TMC7: variants seen among roughly 807,000 people sequenced by gnomAD.
TMC7 encodes the protein transmembrane channel-like protein 7.
A neutral mutation model predicts 82.9 loss-of-function variants in TMC7; 54 were observed. That is an observed-to-expected ratio of 0.65 (90% CI 0.52 to 0.82). The LOEUF (loss-of-function observed/expected upper bound fraction) is 0.82. Ranked by LOEUF, TMC7 falls within the 40% of genes least tolerant of loss-of-function variation. The pLI is 0.00. For synonymous variants in TMC7, 350 were observed against 337.9 expected (o/e 1.04, Z -0.39); for missense variants, 820 against 901.2 (o/e 0.91, Z 1.15).
rs1318981619 is a variant in TMC7 at position 19,045,329 on chromosome 16, CTT to C, written c.1456-10_1456-9del. 5 of 1,610,142 alleles carry C rather than the reference CTT, an allele frequency of 3.1e-6. No individual in the cohort carries two copies. Among genetic ancestry groups the C allele is most frequent in the Non-Finnish European group, 4.3e-6 (5 of 1,176,396 alleles). The stretch of plus-strand genomic sequence containing the variant: ...AGGGTCTTTCAGTTTCCCTCACTCT[CTT>C]TGATTTCAGTGCTGGGAGACCCAAG... On this transcript the variant is annotated splice_polypyrimidine_tract_variant and intron_variant, in intron 10 of 15. Transcript: ENST00000304381.
intron 12 of TMC7, among the ~76,000 whole-genome samples, chr16:19,049,302 G>A (rs985773904): frequency 2.0e-5 from 3 of 152,192 alleles, no homozygotes; most frequent in African/African-American, 7.2e-5. Context: ...GGGATTACAG[G>A]TGTGAGCCAC....
At chr16:19,042,554 CT>C (rs1961063134) in intron 9 of TMC7, among the ~76,000 whole-genome samples, 1 of 149,514 alleles carries the variant, frequency 6.7e-6, no homozygotes, top group Non-Finnish European at 1.5e-5. Context: ...GTCGCCCAGG[CT>C]GGAATGCAGT....
At position 19,021,692 on chromosome 16, in the gene TMC7, T is replaced by C; in HGVS notation, c.524T>C (p.Leu175Ser). ...TTGAGATTCCTGGTGTTGCTGAATT[T>C]GGTGATATTTCTGATCATCTTTATG... is the stretch of plus-strand genomic sequence containing the variant. ...SFLRFLVLLN[L>S]VIFLIIFMLV... Residue 175 changes from leucine to serine, a missense_variant, in exon 4 of 16, where the codon TTG (leucine) becomes TCG (serine). Leu to Ser is a moderately radical substitution (Grantham distance 145, BLOSUM62 -2). Coordinates refer to ENST00000304381, the MANE Select transcript of TMC7 (RefSeq NM_024847.4). 6.2e-7 allele frequency: 1 copy of C among 1,614,188 alleles called. No individual in the cohort carries two copies. The highest frequency in any genetic ancestry group is 8.5e-7 in the Non-Finnish European group (1 of 1,180,032).
chr16:19,038,047 G>C lies in TMC7; in HGVS notation c.1179G>C (p.Lys393Asn). 1.2e-6 allele frequency: 2 copies of C among 1,612,758 alleles called. No individual in the cohort carries two copies. Among genetic ancestry groups the C allele is most frequent in the Non-Finnish European group, 1.7e-6 (2 of 1,179,552 alleles). ...TCTTCTCGCAAGAGCACATGAAAAA[G>C]GTAAATTAACTTGTACTCTGGCTGG... is the stretch of plus-strand genomic sequence containing the variant. ...ATVFSQEHMK[K>N]EIDKMVFGEN... Residue 393 changes from lysine to asparagine, a missense_variant and splice_region_variant, in exon 8 of 16, where the codon AAG becomes AAC. Physicochemically the swap from Lys to Asn is moderately conservative, Grantham distance 94. This residue lies in a region of TMC7 where 650 missense variants were observed against 669.9 expected (regional missense o/e 0.97). Transcript: ENST00000304381.
rs959884942 is a variant in TMC7, at chr16:19,062,838, C to G, written c.*995C>G. 2 of 152,424 alleles carry G rather than the reference C, an allele frequency of 1.3e-5. No individual in the cohort carries two copies. Among genetic ancestry groups the G allele is most frequent in the African/African-American group, 2.4e-5 (1 of 41,386 alleles). The allele number at this position is 152,424 out of a possible 1,614,324, so 9.4% of individuals were successfully genotyped here. A position where few individuals can be genotyped will look rare whatever the true frequency, so the allele number is the denominator to read the frequency against. On this transcript the variant is annotated 3_prime_UTR_variant, in exon 16 of 16. Transcript: ENST00000304381. Reference sequence around the variant, plus strand: ...GTAGTTTTGTAATGGACTTTTCAAGCCTTCCTTCCATTGTTTTTCTTCCGT... The same window carrying G: ...GTAGTTTTGTAATGGACTTTTCAAGGCTTCCTTCCATTGTTTTTCTTCCGT...
At chr16:18,999,548 G>A (rs2142142854) in intron 1 of TMC7, among the ~76,000 whole-genome samples, 1 of 152,332 alleles carries the variant, frequency 6.6e-6, no homozygotes, top group African/African-American at 2.4e-5. Context: ...TGGTCTTCAA[G>A]GCTATGTTGT....
intron 5 of TMC7, among the ~76,000 whole-genome samples, chr16:19,027,087 T>TTTTA (rs71143821): frequency 8.6e-5 from 12 of 139,676 alleles, no homozygotes; most frequent in East Asian, 2.1e-4. Context: ...TTTTTTTTTT[T>TTTTA]AAAGACAGAG....
At position 19,045,010 on chromosome 16, in the gene TMC7, C is replaced by T. The variant is rs750034008; in HGVS notation, c.1455+9C>T. Reference sequence around the variant, plus strand: ...ACCAGAAACTCTACCCGGTGAGTTGCGGGGCGGGGGCGTTCGGCTGGGTGG... The same window carrying T: ...ACCAGAAACTCTACCCGGTGAGTTGTGGGGCGGGGGCGTTCGGCTGGGTGG... On this transcript the variant is annotated intron_variant, in intron 10 of 15. Transcript: ENST00000304381. The T allele has an allele frequency of 3.4e-5, 54 of 1,598,878 alleles. 2 individuals carry two copies. Among genetic ancestry groups the T allele is most frequent in the South Asian group, 2.9e-4 (26 of 90,778 alleles).
intron 3 of TMC7, among the ~76,000 whole-genome samples, chr16:19,017,676 T>G (rs534026202): frequency 3.1e-3 from 450 of 146,590 alleles, no homozygotes; most frequent in African/African-American, 0.011. Context: ...AGTTTTTTTT[T>G]TTTTTTTTTT....
Position 19,056,664 on chromosome 16 carries a change from A to T in TMC7, c.1994A>T (p.Glu665Val). 6.2e-7 allele frequency: 1 copy of T among 1,614,030 alleles called. No homozygotes were observed. Among genetic ancestry groups the T allele is most frequent in the Non-Finnish European group, 8.5e-7 (1 of 1,179,992 alleles). ...LQSFIHGVTS[E>V]AFAVPFFMII... ...TCCTTCATCCATGGTGTCACATCCG[A>T]AGCCTTTGCAGTTCCTTTCTTCATG... Residue 665 changes from glutamate to valine, a missense_variant, in exon 14 of 16, where the codon GAA becomes GTA. Physicochemically the swap from Glu to Val is moderately radical, Grantham distance 121. Around this residue, in one of 2 missense-constraint regions of TMC7, gnomAD observed 170 missense variants for 231.3 expected, o/e 0.74. Transcript: ENST00000304381.
At chr16:19,031,322 A>G (rs1960506122) in intron 6 of TMC7, among the ~76,000 whole-genome samples, 1 of 152,174 alleles carries the variant, frequency 6.6e-6, no homozygotes, top group Non-Finnish European at 1.5e-5. Context: ...TGGTGGTTCA[A>G]GTGCCCAGCA....
rs563532586 is a variant in TMC7, at chr16:19,055,124, G to A, written c.1872-1418G>A. The stretch of plus-strand genomic sequence containing the variant: ...TGATGAAGAACCTTTGGATATGGGG[G>A]GCCAACTGGATTTGTTTTCTCTATG... On this transcript the variant is annotated intron_variant, in intron 13 of 15. Coordinates refer to ENST00000304381, the MANE Select transcript of TMC7 (RefSeq NM_024847.4). Among the ~76,000 whole-genome samples, 3 of 151,980 alleles carry A rather than the reference G, an allele frequency of 2.0e-5. No individual in the cohort carries two copies. In the South Asian group the frequency reaches 6.3e-4, roughly 32 times the overall value.
At chr16:19,033,076 G>A (rs115922411) in intron 6 of TMC7, among the ~76,000 whole-genome samples, 2,027 of 152,256 alleles carry the variant, frequency 0.013, 39 homozygotes, top group African/African-American at 0.044. Flanking sequence ...GAAAGTGGAT[G>A]TGCCACAGAG....
rs1237277758 is a variant in TMC7, at chr16:18,990,535, C to T, written c.67+6405C>T. On this transcript the variant is annotated intron_variant, in intron 1 of 15. Coordinates refer to ENST00000304381, the MANE Select transcript of TMC7 (RefSeq NM_024847.4). ...GTCTCGAACTCCTGTCTCACGTGTCCGTGTGAAGAGACCACCAAACAGGCT... is the reference window on the plus strand; with the variant it reads ...GTCTCGAACTCCTGTCTCACGTGTCTGTGTGAAGAGACCACCAAACAGGCT... Among the ~76,000 whole-genome samples the T allele has an allele frequency of 2.6e-5, 4 of 152,148 alleles. No homozygotes were observed. In the East Asian group the frequency reaches 5.8e-4, roughly 22 times the overall value.
chr16:19,014,334 A>C (rs1959560841), intron 2 of TMC7, among the ~76,000 whole-genome samples: 1 of 152,104 alleles, frequency 6.6e-6, no homozygotes. Context: ...CCATTGCCTG[A>C]TGTTCCTTGG....
chr16:18,988,599 G>C (rs2038895613), intron 1 of TMC7, among the ~76,000 whole-genome samples: 1 of 151,650 alleles, frequency 6.6e-6, no homozygotes, highest in African/African-American at 2.4e-5. Flanking sequence ...CCCAATTTTT[G>C]TATATTTTGT....
At chr16:19,006,132 C>T (rs1233739473) in intron 1 of TMC7, among the ~76,000 whole-genome samples, 1 of 152,140 alleles carries the variant, frequency 6.6e-6, no homozygotes, top group Non-Finnish European at 1.5e-5. Flanking sequence ...ATGTGATCCC[C>T]TTTAATGTTC....
intron 12 of TMC7, among the ~76,000 whole-genome samples, chr16:19,051,206 T>G (rs1359301599): frequency 6.7e-6 from 1 of 148,890 alleles, no homozygotes; most frequent in Non-Finnish European, 1.5e-5. Context: ...GATGAAACCT[T>G]TTTTTTTTTG....
chr16:19,047,713 ATTTT>A (rs35266186), intron 12 of TMC7, among the ~76,000 whole-genome samples: 8 of 123,100 alleles, frequency 6.5e-5, no homozygotes, highest in Non-Finnish European at 4.9e-5. Flanking sequence ...CTCTTGATGG[ATTTT>A]TTTTTTTTTT....
Sources: gnomAD v4.1 joint callset for allele counts (sites outside exome capture counted in the v4.1 genomes callset) on GRCh38, gnomAD v4.1.1 for gene constraint, gnomAD v4.1.1 regional missense constraint, MANE v1.5 for transcripts, NCBI Gene and HGNC (gene_info 2026-07-23, HGNC 2026-07-21) for gene names.